The following NIM1K variants were observed in gnomAD, a reference collection of about 807,000 sequenced individuals.
NIM1K encodes the protein serine/threonine-protein kinase NIM1.
In NIM1K, 35 loss-of-function variants were observed where a neutral mutation model predicts 37.1. The ratio of observed to expected loss-of-function variants is 0.94; its 90% confidence interval spans 0.72 to 1.25. The LOEUF is 1.25. Ranked by LOEUF, NIM1K falls within the 50% of genes most tolerant of loss-of-function variation. The pLI, the probability that NIM1K is intolerant of heterozygous loss-of-function variation, is 0.00. For synonymous variants in NIM1K, 234 were observed against 206.6 expected (o/e 1.13, Z -1.14); for missense variants, 564 against 548.0 (o/e 1.03, Z -0.29).
intron 1 of NIM1K, among the ~76,000 whole-genome samples, chr5:43,233,923 C>T (rs1248276373): frequency 6.6e-6 from 1 of 152,158 alleles, no homozygotes; most frequent in Non-Finnish European, 1.5e-5. Flanking sequence ...TGTTTGGAGG[C>T]AGGCATAGGT....
At chr5:43,267,128 G>C (rs918071320) in intron 2 of NIM1K, among the ~76,000 whole-genome samples, 9 of 152,116 alleles carry the variant, frequency 5.9e-5, no homozygotes, top group Non-Finnish European at 1.2e-4. Flanking sequence ...TACTTAGTCA[G>C]TCTCACTGCT....
At chr5:43,254,959 T>C (rs899651724) in intron 2 of NIM1K, among the ~76,000 whole-genome samples, 6 of 152,196 alleles carry the variant, frequency 3.9e-5, no homozygotes, top group Non-Finnish European at 7.4e-5. Context: ...TAAAAATGGT[T>C]AGTTAGTGAT....
At chr5:43,274,457 TTAATC>T in intron 2 of NIM1K, among the ~76,000 whole-genome samples, 1 of 152,290 alleles carries the variant, frequency 6.6e-6, no homozygotes, top group South Asian at 2.1e-4. Flanking sequence ...GTGGAATTCA[TTAATC>T]TAGCCCTTAA....
At chr5:43,257,331 T>C (rs967990948) in intron 2 of NIM1K, among the ~76,000 whole-genome samples, 1 of 150,066 alleles carries the variant, frequency 6.7e-6, no homozygotes, top group Admixed American at 6.7e-5. Context: ...GAGAGGATAA[T>C]GAGGGGAGAA....
At chr5:43,198,020 G>A (rs1028357138) in intron 1 of NIM1K, among the ~76,000 whole-genome samples, 1 of 152,130 alleles carries the variant, frequency 6.6e-6, no homozygotes, top group Non-Finnish European at 1.5e-5. Flanking sequence ...ACCTCACATT[G>A]CTTAGAGTAG....
chr5:43,215,232 C>T (rs1167078419), intron 1 of NIM1K, among the ~76,000 whole-genome samples: 1 of 152,198 alleles, frequency 6.6e-6, no homozygotes, highest in East Asian at 1.9e-4. Context: ...CCCTCTGGCT[C>T]CCTGGTGAGC....
chr5:43,216,828 G>A (rs866902213), intron 1 of NIM1K, among the ~76,000 whole-genome samples: 4 of 152,302 alleles, frequency 2.6e-5, no homozygotes, highest in African/African-American at 7.2e-5. Flanking sequence ...AACATAAATG[G>A]TCTGGAATCA....
At chr5:43,237,576 A>C (rs1484783883) in intron 1 of NIM1K, among the ~76,000 whole-genome samples, 1 of 152,222 alleles carries the variant, frequency 6.6e-6, no homozygotes, top group Non-Finnish European at 1.5e-5. Flanking sequence ...AGCTTTCAAC[A>C]TTATGAAGCT....
At chr5:43,211,562 G>C (rs1461160425) in intron 1 of NIM1K, among the ~76,000 whole-genome samples, 12 of 152,136 alleles carry the variant, frequency 7.9e-5, no homozygotes, top group Non-Finnish European at 1.8e-4. Flanking sequence ...TCATATTCTG[G>C]AATATTGGCT....
At chr5:43,228,466 T>C (rs1225167459) in intron 1 of NIM1K, among the ~76,000 whole-genome samples, 1 of 151,948 alleles carries the variant, frequency 6.6e-6, no homozygotes, top group Non-Finnish European at 1.5e-5. Context: ...TTATTGTAAA[T>C]AAACATAAAC....
At chr5:43,234,300 G>T (rs796790298) in intron 1 of NIM1K, among the ~76,000 whole-genome samples, 1 of 152,030 alleles carries the variant, frequency 6.6e-6, no homozygotes, top group Non-Finnish European at 1.5e-5. Context: ...GAGCACTGTT[G>T]CCTGTTGTAA....
At position 43,246,160 on chromosome 5, in the gene NIM1K, G is replaced by A. The variant is rs1579977557; in HGVS notation, c.292+93G>A. 3.5e-6 allele frequency: 4 copies of A among 1,157,514 alleles called. No homozygotes were observed. In the East Asian group the frequency reaches 9.7e-5, roughly 28 times the overall value. The allele number at this position is 1,157,514 out of a possible 1,614,324, so 71.7% of individuals were successfully genotyped here. ...GGCCAGGGCCAAGGAAGCAAGTAAA[G>A]TGACCTCAGCAGAGCCCCTGCAAGG... On this transcript the variant is annotated intron_variant, in intron 2 of 3. Transcript: ENST00000326035.
At chr5:43,225,199 C>T (rs978163926) in intron 1 of NIM1K, among the ~76,000 whole-genome samples, 2 of 130,844 alleles carry the variant, frequency 1.5e-5, no homozygotes, top group Admixed American at 1.9e-4. Context: ...GCAGTGTCAA[C>T]AGATGATTGC....
In NIM1K at chr5:43,236,325, T is replaced by A. The variant is rs536554828; in HGVS notation, c.-694-8757T>A. On this transcript the variant is annotated intron_variant, in intron 1 of 3. Transcript: ENST00000326035. ...AAAAACATAAACATTAAAAAAAAAA[T>A]GGAGTCGCCAGACTTGGTGGGTGGA... Among the ~76,000 whole-genome samples, 5 of 148,698 alleles carry A rather than the reference T, an allele frequency of 3.4e-5. No individual in the cohort carries two copies. The East Asian group carries it at 6.0e-4, about 18-fold the overall frequency.
At chr5:43,210,997 C>T (rs1340243293) in intron 1 of NIM1K, among the ~76,000 whole-genome samples, 3 of 151,460 alleles carry the variant, frequency 2.0e-5, no homozygotes, top group African/African-American at 7.3e-5. Flanking sequence ...ATGGTGAAAC[C>T]CCCATCTCTA....
At chr5:43,203,276 G>C (rs1752060334) in intron 1 of NIM1K, among the ~76,000 whole-genome samples, 1 of 152,168 alleles carries the variant, frequency 6.6e-6, no homozygotes, top group South Asian at 2.1e-4. Flanking sequence ...GCCTAAAGCT[G>C]CCTCCCTACA....
Position 43,280,261 on chromosome 5 carries a change from G to A in NIM1K, c.843G>A (p.Lys281=). ...CAGAAACCGTGGCCAAACTAAAAAA[G>A]AGCATCCTCGAGGGCACATACAGTG... ...FRAETVAKLK[K]SILEGTYSVP... is the part of the protein sequence containing the mutation. Residue 281 remains lysine (K), a synonymous_variant, in exon 4 of 4, where the codon AAG becomes AAA. Coordinates refer to ENST00000326035, the MANE Select transcript of NIM1K (RefSeq NM_153361.4). 2 of 1,614,140 alleles carry A rather than the reference G, an allele frequency of 1.2e-6. No homozygotes were observed. The highest frequency in any genetic ancestry group is 1.7e-6 in the Non-Finnish European group (2 of 1,180,038).
Position 43,245,530 on chromosome 5 carries a change from G to A in NIM1K, c.-246G>A, listed in dbSNP as rs1561085383. Reference sequence around the variant, plus strand: ...TACAGCTAGAGCCTGCAAGTTCAACGTGAGGGAAGGTGGGAAATGTCTTGA... The same window carrying A: ...TACAGCTAGAGCCTGCAAGTTCAACATGAGGGAAGGTGGGAAATGTCTTGA... On this transcript the variant is annotated 5_prime_UTR_variant, in exon 2 of 4. The change creates a new upstream start codon in the 5' untranslated region. Transcript: ENST00000326035. The A allele has an allele frequency of 7.2e-6, 3 of 418,396 alleles. No individual in the cohort carries two copies. Among genetic ancestry groups the A allele is most frequent in the African/African-American group, 2.0e-5 (1 of 49,924 alleles). 25.9% of individuals were successfully genotyped at this position (418,396 alleles called of 1,614,324 possible). A position where few individuals can be genotyped will look rare whatever the true frequency, so the allele number is the denominator to read the frequency against.
intron 2 of NIM1K, among the ~76,000 whole-genome samples, chr5:43,246,537 C>A (rs549885997): frequency 6.6e-6 from 1 of 152,108 alleles, no homozygotes; most frequent in Admixed American, 6.5e-5. Context: ...TGGCACAGTG[C>A]GGCACAGGAG....
Sources: allele counts gnomAD v4.1 joint callset (sites outside exome capture counted in the v4.1 genomes callset), GRCh38; gene constraint gnomAD v4.1.1; transcripts MANE v1.5; gene names NCBI Gene and HGNC (gene_info 2026-07-23, HGNC 2026-07-21).